Variants in GPC6 observed in about 807,000 individuals in gnomAD.
The protein encoded by GPC6 is glypican 6, also known as glypican-6.
GPC6 carries 14 observed loss-of-function variants against 55.2 expected under a neutral mutation model. The ratio of observed to expected loss-of-function variants is 0.25; its 90% confidence interval spans 0.17 to 0.40. The LOEUF is 0.40. Ranked by LOEUF, GPC6 falls within the 10% of genes least tolerant of loss-of-function variation. GPC6 has a pLI of 1.00. For missense variants in GPC6, 641 were observed against 708.5 expected (o/e 0.90, Z 1.08); for synonymous variants, 278 against 259.6 (o/e 1.07, Z -0.68).
chr13:93,649,388 G>T (rs977577126), intron 2 of GPC6, among the ~76,000 whole-genome samples: 1 of 152,174 alleles, frequency 6.6e-6, no homozygotes, highest in African/African-American at 2.4e-5. Flanking sequence ...GGACATAGAT[G>T]CTGCAATAAG....
Position 93,761,478 on chromosome 13 carries a change from C to T in GPC6, c.320-68676C>T, listed in dbSNP as rs531251434. Among the ~76,000 whole-genome samples, 6 of 152,242 alleles carry T rather than the reference C, an allele frequency of 3.9e-5. No homozygotes were observed. In the South Asian group the frequency reaches 1.2e-3, roughly 32 times the overall value. The stretch of plus-strand genomic sequence containing the variant: ...TACCCCACCCCTATCTCCTGCTATA[C>T]CTGTGAAAAATAATTTGTTAAGCTT... On this transcript the variant is annotated intron_variant, in intron 2 of 8. Transcript: ENST00000377047.
chr13:93,517,166 A>T (rs1287286509), intron 1 of GPC6, among the ~76,000 whole-genome samples: 1 of 152,142 alleles, frequency 6.6e-6, no homozygotes, highest in Non-Finnish European at 1.5e-5. Context: ...GAATCACCTG[A>T]TACTTTTCCT....
At chr13:93,995,997 A>G (rs1481847306) in intron 3 of GPC6, among the ~76,000 whole-genome samples, 2 of 152,214 alleles carry the variant, frequency 1.3e-5, no homozygotes. Flanking sequence ...TTTCCAGAAG[A>G]TAGTTAAGGA....
chr13:93,411,058 C>T (rs756104556), intron 1 of GPC6, among the ~76,000 whole-genome samples: 6 of 152,162 alleles, frequency 3.9e-5, no homozygotes, highest in Non-Finnish European at 8.8e-5. Flanking sequence ...TGCTATTATC[C>T]ATCTCATGAC....
chr13:94,249,795 C>T (rs1232026288), intron 4 of GPC6, among the ~76,000 whole-genome samples: 1 of 152,122 alleles, frequency 6.6e-6, no homozygotes, highest in African/African-American at 2.4e-5. Flanking sequence ...GTTTGACAAG[C>T]TTGATGGCCC....
At chr13:94,032,128 A>C (rs1883163673) in intron 4 of GPC6, among the ~76,000 whole-genome samples, 1 of 151,816 alleles carries the variant, frequency 6.6e-6, no homozygotes. Flanking sequence ...TAAAAGTGAG[A>C]CCTGAGTGTT....
intron 1 of GPC6, among the ~76,000 whole-genome samples, chr13:93,257,574 C>T (rs1185513591): frequency 6.6e-6 from 1 of 152,156 alleles, no homozygotes; most frequent in African/African-American, 2.4e-5. Context: ...TTATTGAGCT[C>T]TCTCTAGGTC....
chr13:93,856,041 C>A (rs74108896), intron 3 of GPC6, among the ~76,000 whole-genome samples: 1 of 151,504 alleles, frequency 6.6e-6, no homozygotes, highest in South Asian at 2.1e-4. Flanking sequence ...TTAATGAAGT[C>A]CAGTGTATTG....
At chr13:93,995,480 A>AC (rs1285550031) in intron 3 of GPC6, among the ~76,000 whole-genome samples, 1 of 152,078 alleles carries the variant, frequency 6.6e-6, no homozygotes, top group Non-Finnish European at 1.5e-5. Context: ...GAGCCACCGC[A>AC]CCCAACCACA....
intron 2 of GPC6, among the ~76,000 whole-genome samples, chr13:93,638,184 C>T (rs1283098305): frequency 6.6e-6 from 1 of 152,018 alleles, no homozygotes; most frequent in Non-Finnish European, 1.5e-5. Flanking sequence ...TGTAAAACTG[C>T]ACTGTTGTCA....
At chr13:93,627,374 G>A (rs1253627952) in intron 2 of GPC6, among the ~76,000 whole-genome samples, 2 of 152,212 alleles carry the variant, frequency 1.3e-5, no homozygotes, top group East Asian at 1.9e-4. Flanking sequence ...TGGTGTATAT[G>A]TGCCACCACT....
At chr13:94,121,444 T>A (rs900452208) in intron 4 of GPC6, among the ~76,000 whole-genome samples, 1 of 152,132 alleles carries the variant, frequency 6.6e-6, no homozygotes, top group African/African-American at 2.4e-5. Context: ...ATTAAATAAC[T>A]CGAAACACAA....
intron 1 of GPC6, among the ~76,000 whole-genome samples, chr13:93,291,147 A>G (rs533759394): frequency 6.6e-6 from 1 of 152,184 alleles, no homozygotes; most frequent in Non-Finnish European, 1.5e-5. Flanking sequence ...GCAGACTGAC[A>G]TTTAGACCAA....
At chr13:94,114,865 T>C (rs1253198948) in intron 4 of GPC6, among the ~76,000 whole-genome samples, 3 of 152,146 alleles carry the variant, frequency 2.0e-5, no homozygotes, top group African/African-American at 7.2e-5. Flanking sequence ...TAAATGGTAG[T>C]ACTGTTTTTT....
intron 2 of GPC6, among the ~76,000 whole-genome samples, chr13:93,663,148 T>C (rs1284838531): frequency 6.6e-6 from 1 of 150,634 alleles, no homozygotes; most frequent in Non-Finnish European, 1.5e-5. Context: ...AGACTGACAG[T>C]ACAGAACAGA....
chr13:94,314,016 AT>A (rs1456243581), intron 6 of GPC6, among the ~76,000 whole-genome samples: 1 of 152,220 alleles, frequency 6.6e-6, no homozygotes, highest in Non-Finnish European at 1.5e-5. Context: ...TGATTGAGTT[AT>A]TCTCTGTTGC....
At chr13:93,956,260 A>C (rs541549657) in intron 3 of GPC6, among the ~76,000 whole-genome samples, 1 of 152,246 alleles carries the variant, frequency 6.6e-6, no homozygotes, top group African/African-American at 2.4e-5. Context: ...CAATTCTGCA[A>C]GCAAGGTACA....
At chr13:94,281,925 C>G (rs1892395523) in intron 4 of GPC6, among the ~76,000 whole-genome samples, 1 of 152,188 alleles carries the variant, frequency 6.6e-6, no homozygotes, top group Admixed American at 6.6e-5. Flanking sequence ...TCTTGACCAT[C>G]CCAATGTTTG....
intron 4 of GPC6, among the ~76,000 whole-genome samples, chr13:94,162,040 A>G (rs1032049758): frequency 6.6e-6 from 1 of 152,182 alleles, no homozygotes; most frequent in Non-Finnish European, 1.5e-5. Flanking sequence ...CCATGATTCA[A>G]TTATTTCCCA....
Sources: allele counts gnomAD v4.1 joint callset (sites outside exome capture counted in the v4.1 genomes callset), GRCh38; gene constraint gnomAD v4.1.1; transcripts MANE v1.5; gene names NCBI Gene and HGNC (gene_info 2026-07-23, HGNC 2026-07-21).